Variants in NFIX observed in about 807,000 individuals in gnomAD.
NFIX encodes the protein nuclear factor I X.
Under a neutral mutation model 53.3 loss-of-function variants are expected in NFIX, and 2 were observed. The ratio of observed to expected loss-of-function variants is 0.04; its 90% CI spans 0.02 to 0.12. The LOEUF is 0.12. Ranked by LOEUF, NFIX falls within the 10% of genes least tolerant of loss-of-function variation. NFIX has a pLI of 1.00. For synonymous variants in NFIX, 244 were observed against 289.0 expected (o/e 0.84, Z 1.58); for missense variants, 310 against 674.5 (o/e 0.46, Z 5.99).
intron 2 of NFIX, among the ~76,000 whole-genome samples, chr19:13,064,035 G>A (rs540033561): frequency 1.3e-5 from 2 of 151,668 alleles, no homozygotes; most frequent in African/African-American, 4.8e-5. Context: ...AGCGGGTGGG[G>A]GTGGAAGAGC....
intron 8 of NFIX, among the ~76,000 whole-genome samples, chr19:13,087,774 C>CAAAAAAAAAAA (rs1157966190): frequency 1.5e-4 from 4 of 26,392 alleles, no homozygotes; most frequent in East Asian, 1.3e-3. Context: ...AAAAGAGGAC[C>CAAAAAAAAAAA]AAAAAAAAAA....
chr19:13,054,427 T>G (rs2015520902), intron 2 of NFIX, among the ~76,000 whole-genome samples: 1 of 152,134 alleles, frequency 6.6e-6, no homozygotes, highest in Non-Finnish European at 1.5e-5. Flanking sequence ...ATTTCTGCAC[T>G]GCTCCCTGGG....
Position 13,088,252 on chromosome 19 carries a change from G to C in NFIX, c.1402+116G>C. 2.4e-6 allele frequency: 3 copies of C among 1,260,140 alleles called. No homozygotes were observed. Among genetic ancestry groups the C allele is most frequent in the Non-Finnish European group, 3.2e-6 (3 of 926,680 alleles). 78.1% of individuals were successfully genotyped at this position (1,260,140 alleles called of 1,614,324 possible). On this transcript the variant is annotated intron_variant, in intron 9 of 10. Transcript: ENST00000592199. This position sits in a 1 kb window ranked among gnomAD's most constrained non-coding sequence, Gnocchi z 5.9. ...CCCACCACCAAAGCCCCCCAACCCA[G>C]AGCACCATGGACAAGAGCAGAGCCG...
chr19:13,061,255 A>G (rs1488343293), intron 2 of NFIX, among the ~76,000 whole-genome samples: 3 of 152,014 alleles, frequency 2.0e-5, no homozygotes, highest in Non-Finnish European at 2.9e-5. Context: ...TCCCCTTTCC[A>G]TCCGGCCCAT....
chr19:13,024,594 G>GC, intron 1 of NFIX: 1 of 1,536,216 alleles, frequency 6.5e-7, no homozygotes, highest in Non-Finnish European at 8.7e-7. Flanking sequence ...CGGACACTGT[G>GC]CCGGGGCGAG....
At chr19:13,091,783 C>T (rs561434524) in intron 10 of NFIX, among the ~76,000 whole-genome samples, 1 of 152,362 alleles carries the variant, frequency 6.6e-6, no homozygotes, top group South Asian at 2.1e-4. Context: ...TCGCTCCCTC[C>T]CTCCTGCTGC....
Position 13,011,888 on chromosome 19 carries a change from G to T in NFIX, c.28-13133G>T, listed in dbSNP as rs2012367763. Among the ~76,000 whole-genome samples the T allele has an allele frequency of 6.6e-6, 1 of 152,212 alleles. No homozygotes were observed. The highest frequency in any genetic ancestry group is 2.1e-4 in the South Asian group (1 of 4,828). On this transcript the variant is annotated intron_variant, in intron 1 of 10. Transcript: ENST00000592199. The surrounding 1 kb of genome is among the most constrained non-coding windows in gnomAD (Gnocchi z 6.5). ...AACTGACTCAAGACTGGGGGGAGGG[G>T]GCTCATGGAGGTAGAGGTGGTGGGG...
chr19:13,004,521 T>C (rs2011907704), intron 1 of NFIX, among the ~76,000 whole-genome samples: 1 of 152,164 alleles, frequency 6.6e-6, no homozygotes, highest in African/African-American at 2.4e-5. Flanking sequence ...TGGCAGTGGT[T>C]GGAAATGGTG....
At position 13,066,741 on chromosome 19, in the gene NFIX, GTGTGTGTT is replaced by G. The variant is rs1183460916; in HGVS notation, c.560-6301_560-6294del. ...CTCCAGGATGTGTGTGTGCATGTGT[GTGTGTGTT>G]TGTGCACATGTGTGTGTGCACATGC... On this transcript the variant is annotated intron_variant, in intron 2 of 10. Transcript: ENST00000592199. The surrounding 1 kb of genome is among the most constrained non-coding windows in gnomAD (Gnocchi z 4.2). Among the ~76,000 whole-genome samples, 1 of 152,148 alleles carries G rather than the reference GTGTGTGTT, an allele frequency of 6.6e-6. No homozygotes were observed. Among genetic ancestry groups the G allele is most frequent in the Non-Finnish European group, 1.5e-5 (1 of 68,032 alleles).
In NFIX at chr19:13,067,469, TGTGTGTGTGTGTGC is replaced by T. The variant is rs1023946321; in HGVS notation, c.560-5564_560-5551del. ...ACCTCCGTGTGTGTGCGCGCGTGTG[TGTGTGTGTGTGTGC>T]GTGTGTGTGTGTGTGTGTGTGTATG... On this transcript the variant is annotated intron_variant, in intron 2 of 10. Transcript: ENST00000592199. The surrounding 1 kb of genome is among the most constrained non-coding windows in gnomAD (Gnocchi z 4.2). Among the ~76,000 whole-genome samples the T allele has an allele frequency of 3.4e-5, 4 of 116,026 alleles. No homozygotes were observed. The highest frequency in any genetic ancestry group is 2.4e-4 in the East Asian group (1 of 4,088). The allele number at this position is 116,026 out of a possible 152,430, so 76.1% of individuals were successfully genotyped here.
chr19:13,074,019 T>A lies in NFIX; in HGVS notation c.811T>A (p.Ser271Thr). 1 of 1,613,890 alleles carries A rather than the reference T, an allele frequency of 6.2e-7. No homozygotes were observed. Among genetic ancestry groups the A allele is most frequent in the Non-Finnish European group, 8.5e-7 (1 of 1,179,848 alleles). ...GCGGCGGTCCATCACCTCCCCTCCT[T>A]CCACCAGGTAAGCCCAGTGGCCCTG... ...LGRRSITSPP[S>T]TSTTKRPKSI... The change falls in exon 5 of 11, where the codon TCC becomes ACC. Residue 271 changes from serine (S) to threonine (T), a missense_variant. Coordinates refer to ENST00000592199, the MANE Select transcript of NFIX (RefSeq NM_001365902.3).
rs2018265075 is a variant in NFIX, at chr19:13,093,554, G to A, written c.1495-1081G>A. Among the ~76,000 whole-genome samples, 1 of 152,190 alleles carries A rather than the reference G, an allele frequency of 6.6e-6. No individual in the cohort carries two copies. Among genetic ancestry groups the A allele is most frequent in the South Asian group, 2.1e-4 (1 of 4,834 alleles). ...CACTGCCCCTTACATTTGAACCCTG[G>A]CTCTGTTGCCCGAGGGCTGTGTGGC... On this transcript the variant is annotated intron_variant, in intron 10 of 10. Coordinates refer to ENST00000592199, the MANE Select transcript of NFIX (RefSeq NM_001365902.3). The surrounding 1 kb of genome is among the most constrained non-coding windows in gnomAD (Gnocchi z 4.7).
rs564416255 is a variant in NFIX, at chr19:13,036,188, C to G, written c.559+10636C>G. Among the ~76,000 whole-genome samples the G allele has an allele frequency of 3.3e-5, 5 of 152,240 alleles. No homozygotes were observed. The highest frequency in any genetic ancestry group is 2.1e-4 in the South Asian group (1 of 4,830). On this transcript the variant is annotated intron_variant, in intron 2 of 10. Transcript: ENST00000592199. The surrounding 1 kb of genome is among the most constrained non-coding windows in gnomAD (Gnocchi z 4.7). ...CTCTGGAGTCGACTTCCCAAGTCTC[C>G]TAGGAAGGCGAGGGCTCTCCTTCGT...
At position 13,060,163 on chromosome 19, in the gene NFIX, G is replaced by A. The variant is rs2015985906; in HGVS notation, c.560-12884G>A. Among the ~76,000 whole-genome samples the A allele has an allele frequency of 1.3e-5, 2 of 152,322 alleles. No individual in the cohort carries two copies. The highest frequency in any genetic ancestry group is 6.8e-3 in the Middle Eastern group (2 of 294). On this transcript the variant is annotated intron_variant, in intron 2 of 10. Coordinates refer to ENST00000592199, the MANE Select transcript of NFIX (RefSeq NM_001365902.3). The surrounding 1 kb of genome is among the most constrained non-coding windows in gnomAD (Gnocchi z 4.3). ...TTGGCAGGCTCTGGGGTGGGAGTAA[G>A]CCTGTTCTCAGCTCCCCTTTACTAG...
rs1268367326 is a variant in NFIX, at chr19:13,036,168, G to T, written c.559+10616G>T. Among the ~76,000 whole-genome samples the T allele has an allele frequency of 6.6e-6, 1 of 152,156 alleles. No individual in the cohort carries two copies. The highest frequency in any genetic ancestry group is 1.9e-4 in the East Asian group (1 of 5,202). ...TTGGCTGCACCTGGCTTGGCCTCTG[G>T]AGTCGACTTCCCAAGTCTCCTAGGA... On this transcript the variant is annotated intron_variant, in intron 2 of 10. Transcript: ENST00000592199. The surrounding 1 kb of genome is among the most constrained non-coding windows in gnomAD (Gnocchi z 4.7).
At chr19:13,061,589 C>T (rs1166108273) in intron 2 of NFIX, among the ~76,000 whole-genome samples, 1 of 152,196 alleles carries the variant, frequency 6.6e-6, no homozygotes, top group Non-Finnish European at 1.5e-5. Context: ...CTCCCTGAAC[C>T]GCGTCGCTTC....
At chr19:13,023,306 C>T (rs1198166436) in intron 1 of NFIX, among the ~76,000 whole-genome samples, 1 of 151,706 alleles carries the variant, frequency 6.6e-6, no homozygotes, top group African/African-American at 2.4e-5. Flanking sequence ...TCCTCGATCT[C>T]TCCCTCCCCC....
At chr19:13,061,666 A>G (rs993202684) in intron 2 of NFIX, among the ~76,000 whole-genome samples, 5 of 152,218 alleles carry the variant, frequency 3.3e-5, no homozygotes, top group Admixed American at 3.3e-4. Context: ...TTGGTCCTTC[A>G]GGGAGCTATG....
At position 12,995,831 on chromosome 19, in the gene NFIX, C is replaced by A; in HGVS notation, c.-7C>A. ...CGGCCGCCGCGCTCCCGCCCGGGCGCCCAGCTATGTACTCCCCGTACTGCC... is the reference window on the plus strand; with the variant it reads ...CGGCCGCCGCGCTCCCGCCCGGGCGACCAGCTATGTACTCCCCGTACTGCC... On this transcript the variant is annotated 5_prime_UTR_variant, in exon 1 of 11. Coordinates refer to ENST00000592199, the MANE Select transcript of NFIX (RefSeq NM_001365902.3). 19 of 1,000,884 alleles carry A rather than the reference C, an allele frequency of 1.9e-5. No homozygotes were observed. Among genetic ancestry groups the A allele is most frequent in the Non-Finnish European group, 2.1e-5 (18 of 842,416 alleles). 62.0% of individuals were successfully genotyped at this position (1,000,884 alleles called of 1,614,324 possible). A position where few individuals can be genotyped will look rare whatever the true frequency, so the allele number is the denominator to read the frequency against.
Sources: allele counts gnomAD v4.1 joint callset (sites outside exome capture counted in the v4.1 genomes callset), GRCh38; gene constraint gnomAD v4.1.1; non-coding constraint Gnocchi (gnomAD v3.1); transcripts MANE v1.5; gene names NCBI Gene and HGNC (gene_info 2026-07-23, HGNC 2026-07-21).